The following ZC3H11A variants were observed in gnomAD, a reference collection of about 807,000 sequenced individuals.
ZC3H11A encodes the protein zinc finger CCCH domain-containing protein 11A.
Under a neutral mutation model 90.8 loss-of-function variants are expected in ZC3H11A, and 22 were observed. The ratio of observed to expected loss-of-function variants is 0.24; its 90% CI spans 0.17 to 0.35. The LOEUF (loss-of-function observed/expected upper bound fraction) is 0.35, where lower values mean the gene tolerates loss of function less well. ZC3H11A is among the 10% of genes least tolerant of loss of function. ZC3H11A has a pLI of 1.00. For missense variants in ZC3H11A, 701 were observed against 964.9 expected (o/e 0.73, Z 3.62); for synonymous variants, 294 against 339.8 (o/e 0.87, Z 1.48).
At chr1:203,825,448 T>C (rs1375856855) in intron 4 of ZC3H11A, among the ~76,000 whole-genome samples, 4 of 148,058 alleles carry the variant, frequency 2.7e-5, no homozygotes, top group African/African-American at 1.0e-4. Flanking sequence ...TTTTTTTTTT[T>C]TTTTGAGGTG....
chr1:203,811,144 A>C (rs1477428727), intron 2 of ZC3H11A, among the ~76,000 whole-genome samples: 1 of 92,836 alleles, frequency 1.1e-5, no homozygotes, highest in Non-Finnish European at 2.2e-5. Flanking sequence ...ACTCTGTCAC[A>C]AAAAAAAAAA....
intron 4 of ZC3H11A, among the ~76,000 whole-genome samples, chr1:203,826,318 AT>A (rs1558119945): frequency 6.6e-6 from 1 of 151,606 alleles, no homozygotes; most frequent in Non-Finnish European, 1.5e-5. Flanking sequence ...CTTTTAAAAA[AT>A]ATTATACTTT....
chr1:203,845,633 G>A lies in ZC3H11A; in HGVS notation c.1043-1551G>A, dbSNP rs567160984. 1.6e-3 allele frequency among the ~76,000 whole-genome samples: 238 copies of A among 152,316 alleles called. 1 individual carries two copies. The highest frequency in any genetic ancestry group is 2.8e-3 in the Non-Finnish European group (188 of 68,020). On this transcript the variant is annotated intron_variant, in intron 12 of 17. Transcript: ENST00000367210. ...TAATCCCAGCACTTTGGGAGGCCAG[G>A]CAGGTAAATCTCTTGAGACCAGGAG...
chr1:203,828,241 C>T, intron 4 of ZC3H11A, 58 bp from the exon 5 acceptor site: 1 of 1,601,700 alleles, frequency 6.2e-7, no homozygotes, highest in East Asian at 2.2e-5. Flanking sequence ...AACAAACTGC[C>T]ACATGAATAT....
At chr1:203,813,092 A>G (rs1270545637) in intron 2 of ZC3H11A, among the ~76,000 whole-genome samples, 1 of 152,126 alleles carries the variant, frequency 6.6e-6, no homozygotes, top group Non-Finnish European at 1.5e-5. Context: ...ATGTTTTGCA[A>G]ATATTTTCTC....
At position 203,829,913 on chromosome 1, in the gene ZC3H11A, T is replaced by C; in HGVS notation, c.619+17T>C. 1 of 1,593,394 alleles carries C rather than the reference T, an allele frequency of 6.3e-7. No individual in the cohort carries two copies. The highest frequency in any genetic ancestry group is 1.1e-5 in the South Asian group (1 of 90,652). The stretch of plus-strand genomic sequence containing the variant: ...TAAAGCAAGGTAAGAAGAGGCTAGA[T>C]TGGTGCCTCTTATAGCACTGTTGAA... On this transcript the variant is annotated intron_variant, in intron 7 of 17. Transcript: ENST00000367210.
chr1:203,849,706 C>T lies in ZC3H11A; in HGVS notation c.1624-5C>T. On this transcript the variant is annotated splice_region_variant and splice_polypyrimidine_tract_variant and intron_variant, in intron 14 of 17. Coordinates refer to ENST00000367210, the MANE Select transcript of ZC3H11A (RefSeq NM_001376342.1). ...TTTAATTCTGTCATTCAAATTTATC[C>T]ACAGGCTTCAGGTGAGACCACAGGA... is the stretch of plus-strand genomic sequence containing the variant. 6.2e-7 allele frequency: 1 copy of T among 1,613,166 alleles called. No individual in the cohort carries two copies.
In ZC3H11A at chr1:203,817,051, G is replaced by C; in HGVS notation, c.-20G>C. ...TGGCTTGTTTCAAGAAGCCACTTCT[G>C]ATCTAAGAATCTACCCAGCATGCCT... On this transcript the variant is annotated 5_prime_UTR_variant, in exon 3 of 18. Transcript: ENST00000367210. 6.3e-7 allele frequency: 1 copy of C among 1,597,566 alleles called. No homozygotes were observed. The highest frequency in any genetic ancestry group is 2.3e-5 in the East Asian group (1 of 44,104).
rs371836391 is a variant in ZC3H11A at position 203,813,942 on chromosome 1, ACCCTTTTC to A, written c.-145-2983_-145-2976del. On this transcript the variant is annotated intron_variant, in intron 2 of 17. Coordinates refer to ENST00000367210, the MANE Select transcript of ZC3H11A (RefSeq NM_001376342.1). ...CTCCAACAAACTGTTGCCCACCCAT[ACCCTTTTC>A]TCTACAGAGCATACATTCTTGTTTT... Among the ~76,000 whole-genome samples, 500 of 147,150 alleles carry A rather than the reference ACCCTTTTC, an allele frequency of 3.4e-3. 2 individuals are homozygous for A. Among genetic ancestry groups the A allele is most frequent in the Middle Eastern group, 0.031 (9 of 286 alleles).
chr1:203,797,841 C>G, intron 1 of ZC3H11A: 2 of 1,535,980 alleles, frequency 1.3e-6, no homozygotes, highest in East Asian at 2.4e-5. Context: ...TTCCAATGAC[C>G]CTGAGCAGGA....
At chr1:203,806,656 G>A (rs1409166083) in intron 2 of ZC3H11A, among the ~76,000 whole-genome samples, 1 of 152,124 alleles carries the variant, frequency 6.6e-6, no homozygotes, top group African/African-American at 2.4e-5. Context: ...AGTGTTGAAA[G>A]ATGGTGAAGA....
At chr1:203,830,044 T>TA in intron 7 of ZC3H11A, 79 bp from the exon 8 acceptor site, 1 of 1,357,268 alleles carries the variant, frequency 7.4e-7, no homozygotes, top group Non-Finnish European at 1.0e-6. Context: ...TATTCAAAAA[T>TA]AAATGCCTGC....
At chr1:203,828,211 T>C in intron 4 of ZC3H11A, 88 bp from the exon 5 acceptor site, 2 of 1,520,618 alleles carry the variant, frequency 1.3e-6, no homozygotes, top group South Asian at 1.2e-5. Flanking sequence ...TTTTGAACCC[T>C]GTATGAACTT....
rs1684913148 is a variant in ZC3H11A at position 203,837,994 on chromosome 1, T to A, written c.903T>A (p.Arg301=). The part of the protein sequence containing the change: ...AGGDSDPPLK[R]SLAQRLGKKV... ...GTGACAGTGATCCTCCATTAAAGCG[T>A]AGCCTGGCACAGAGGCTAGGGAAGA... The change falls in exon 11 of 18, where the codon CGT becomes CGA. Residue 301 remains arginine, a synonymous_variant. Transcript: ENST00000367210. 6.2e-7 allele frequency: 1 copy of A among 1,614,126 alleles called. No homozygotes were observed. The highest frequency in any genetic ancestry group is 1.3e-5 in the African/African-American group (1 of 75,044).
chr1:203,809,020 G>A (rs1673342595), intron 2 of ZC3H11A, among the ~76,000 whole-genome samples: 1 of 151,744 alleles, frequency 6.6e-6, no homozygotes, highest in African/African-American at 2.4e-5. Flanking sequence ...AGTAGAGACA[G>A]GATTTCACCA....
intron 4 of ZC3H11A, among the ~76,000 whole-genome samples, chr1:203,819,131 C>T (rs1677448064): frequency 1.4e-5 from 2 of 144,282 alleles, no homozygotes; most frequent in Non-Finnish European, 3.0e-5. Flanking sequence ...TGTATATATA[C>T]ATATGTATAT....
At chr1:203,848,269 A>T in intron 13 of ZC3H11A, 62 bp from the exon 14 acceptor site, 1 of 1,376,852 alleles carries the variant, frequency 7.3e-7, no homozygotes, top group Non-Finnish European at 1.0e-6. Context: ...TTTGTTTAAC[A>T]TATCTATCAT....
At chr1:203,822,088 C>G (rs1022377926) in intron 4 of ZC3H11A, among the ~76,000 whole-genome samples, 1 of 152,106 alleles carries the variant, frequency 6.6e-6, no homozygotes, top group African/African-American at 2.4e-5. Flanking sequence ...CATAGTATTA[C>G]AAATTATGAG....
chr1:203,823,819 C>G (rs750940634), intron 4 of ZC3H11A, among the ~76,000 whole-genome samples: 4 of 152,172 alleles, frequency 2.6e-5, no homozygotes, highest in Non-Finnish European at 5.9e-5. Flanking sequence ...ACCTAACTAT[C>G]CTTCATTTAA....
Sources: gnomAD v4.1 joint callset for allele counts (sites outside exome capture counted in the v4.1 genomes callset) on GRCh38, gnomAD v4.1.1 for gene constraint, MANE v1.5 for transcripts, NCBI Gene and HGNC (gene_info 2026-07-23, HGNC 2026-07-21) for gene names.